The following SNX9 variants were observed in gnomAD, a reference collection of about 807,000 sequenced individuals.
SNX9 encodes sorting nexin-9.
In SNX9, 44 loss-of-function variants were observed where a neutral mutation model predicts 89.4. That is an observed-to-expected ratio of 0.49 (90% CI 0.39 to 0.63). The LOEUF (loss-of-function observed/expected upper bound fraction) is 0.63, where lower values mean the gene tolerates loss of function less well. Among genes scored for constraint, SNX9 ranks in the 30% least tolerant of loss-of-function variants. The probability of loss-of-function intolerance (pLI) is 0.00; values close to 1 mark genes in which losing one functional copy is unlikely to be tolerated. For missense variants in SNX9, 578 were observed against 736.1 expected, an observed-to-expected ratio of 0.79 and a Z score of 2.49; for synonymous variants, 236 against 247.8, an observed-to-expected ratio of 0.95 and a Z score of 0.45.
chr6:157,836,033 G>A (rs1781575540), intron 1 of SNX9, among the ~76,000 whole-genome samples: 1 of 152,174 alleles, frequency 6.6e-6, no homozygotes, highest in African/African-American at 2.4e-5. Flanking sequence ...CCAGGCACAA[G>A]CAATCCTTCT....
intron 4 of SNX9, among the ~76,000 whole-genome samples, chr6:157,895,856 A>G (rs568042820): frequency 1.3e-5 from 2 of 152,188 alleles, no homozygotes; most frequent in Non-Finnish European, 2.9e-5. Context: ...TCCATAGTCA[A>G]ACTGAAACTT....
chr6:157,909,936 A>G lies in SNX9; in HGVS notation c.860A>G (p.Tyr287Cys), dbSNP rs1783303909. 1 of 1,614,174 alleles carries G rather than the reference A, an allele frequency of 6.2e-7. No individual in the cohort carries two copies. The highest frequency in any genetic ancestry group is 8.5e-7 in the Non-Finnish European group (1 of 1,180,018). The part of the protein sequence containing the change: ...TNTNRSVNHR[Y>C]KHFDWLYERL... ...ACTAATCGATCTGTAAACCACAGGT[A>G]TAAGCACTTTGACTGGTTATATGAG... Residue 287 changes from tyrosine (Y) to cysteine (C), a missense_variant, in exon 9 of 18, where the codon TAT (tyrosine) becomes TGT (cysteine). By Grantham distance (194) the Tyr-to-Cys change is radical. Around this residue, in one of 2 missense-constraint regions of SNX9, gnomAD observed 348 missense variants for 491.4 expected, o/e 0.71. Coordinates refer to ENST00000392185, the MANE Select transcript of SNX9 (RefSeq NM_016224.5).
chr6:157,848,838 G>A (rs545429440), intron 1 of SNX9, among the ~76,000 whole-genome samples: 155 of 152,344 alleles, frequency 1.0e-3, no homozygotes, highest in Non-Finnish European at 1.8e-3. Flanking sequence ...ATACGTAACC[G>A]ATTTTGCACG....
intron 9 of SNX9, 64 bp downstream of exon 9, chr6:157,910,089 T>G: frequency 1.6e-6 from 2 of 1,281,754 alleles, no homozygotes; most frequent in Non-Finnish European, 2.3e-6. Context: ...ATTATCTTCC[T>G]GTAAGTCAGT....
In SNX9 at chr6:157,835,503, C is replaced by T. The variant is rs111790499; in HGVS notation, c.12+12057C>T. ...ACATGGCTCATTGAAGCCTTGAACT[C>T]CCACACTGAAGCAATCCTCCTGCCT... On this transcript the variant is annotated intron_variant, in intron 1 of 17. Coordinates refer to ENST00000392185, the MANE Select transcript of SNX9 (RefSeq NM_016224.5). 4.4e-3 allele frequency among the ~76,000 whole-genome samples: 658 copies of T among 151,094 alleles called. 4 individuals are homozygous for T. The highest frequency in any genetic ancestry group is 0.014 in the African/African-American group (592 of 41,010).
At chr6:157,827,464 A>C (rs1327864957) in intron 1 of SNX9, among the ~76,000 whole-genome samples, 4 of 26,916 alleles carry the variant, frequency 1.5e-4, no homozygotes, top group Non-Finnish European at 2.0e-4. Flanking sequence ...ATAATATATA[A>C]ACTTATAGTT....
chr6:157,867,169 T>C (rs950622631), intron 1 of SNX9, among the ~76,000 whole-genome samples: 1 of 152,118 alleles, frequency 6.6e-6, no homozygotes, highest in African/African-American at 2.4e-5. Context: ...CTCAGGCTGG[T>C]CTCGAACCCC....
At chr6:157,911,755 C>T (rs1190702263) in intron 9 of SNX9, among the ~76,000 whole-genome samples, 1 of 152,160 alleles carries the variant, frequency 6.6e-6, no homozygotes, top group East Asian at 1.9e-4. Context: ...TAAAACATTA[C>T]TTTATATTTT....
intron 4 of SNX9, among the ~76,000 whole-genome samples, chr6:157,895,085 T>C (rs1782951889): frequency 6.6e-6 from 1 of 152,210 alleles, no homozygotes; most frequent in African/African-American, 2.4e-5. Flanking sequence ...GTCAAGAGCA[T>C]GTGCAGTAGG....
At chr6:157,923,282 T>C (rs1285541294) in intron 10 of SNX9, among the ~76,000 whole-genome samples, 1 of 152,174 alleles carries the variant, frequency 6.6e-6, no homozygotes, top group African/African-American at 2.4e-5. Flanking sequence ...ACTATGATTC[T>C]GTGGTAAGTA....
At chr6:157,835,422 T>G (rs2115108571) in intron 1 of SNX9, among the ~76,000 whole-genome samples, 1 of 151,878 alleles carries the variant, frequency 6.6e-6, no homozygotes, top group African/African-American at 2.4e-5. Flanking sequence ...CTTTTTTTTT[T>G]TTTTTTTTTA....
intron 1 of SNX9, among the ~76,000 whole-genome samples, chr6:157,852,867 C>T (rs752510884): frequency 2.0e-5 from 3 of 152,138 alleles, no homozygotes; most frequent in Non-Finnish European, 4.4e-5. Context: ...GCCACTGTGC[C>T]TGGCCTTTGT....
At chr6:157,908,740 A>C (rs1423954467) in intron 7 of SNX9, among the ~76,000 whole-genome samples, 1 of 142,890 alleles carries the variant, frequency 7.0e-6, no homozygotes, top group Non-Finnish European at 1.6e-5. Flanking sequence ...CCTCAGGCTC[A>C]AAACTTACAC....
intron 1 of SNX9, among the ~76,000 whole-genome samples, chr6:157,847,176 C>G (rs1213570267): frequency 1.3e-5 from 2 of 152,170 alleles, no homozygotes; most frequent in Non-Finnish European, 2.9e-5. Context: ...GATACCAGCT[C>G]ACTGCAGCTT....
At chr6:157,915,660 C>CACACAT (rs1554296807) in intron 9 of SNX9, among the ~76,000 whole-genome samples, 2 of 117,088 alleles carry the variant, frequency 1.7e-5, no homozygotes, top group African/African-American at 7.1e-5. Flanking sequence ...TATATATACA[C>CACACAT]ACACACACAC....
intron 1 of SNX9, 101 bp from the exon 2 acceptor site, chr6:157,867,446 T>C (rs1237233978): frequency 9.1e-6 from 8 of 881,674 alleles, no homozygotes; most frequent in East Asian, 2.6e-5. Context: ...GCCACTATCA[T>C]GTTTGTACCA....
At chr6:157,858,809 G>A (rs568023500) in intron 1 of SNX9, among the ~76,000 whole-genome samples, 9 of 152,242 alleles carry the variant, frequency 5.9e-5, no homozygotes, top group African/African-American at 2.2e-4. Context: ...TGTGCAGGGG[G>A]ACTCCCCTTT....
intron 1 of SNX9, among the ~76,000 whole-genome samples, chr6:157,826,559 T>C (rs1781348673): frequency 6.7e-6 from 1 of 149,892 alleles, no homozygotes; most frequent in African/African-American, 2.5e-5. Flanking sequence ...GGGGATTATC[T>C]ATTTTCTATT....
intron 1 of SNX9, among the ~76,000 whole-genome samples, chr6:157,841,245 TCATATTA>T (rs1781696999): frequency 6.6e-6 from 1 of 152,228 alleles, no homozygotes; most frequent in African/African-American, 2.4e-5. Context: ...CACTGGAATT[TCATATTA>T]GTCATGCTGA....
Sources: gnomAD v4.1 joint callset for allele counts (sites outside exome capture counted in the v4.1 genomes callset) on GRCh38, gnomAD v4.1.1 for gene constraint, gnomAD v4.1.1 regional missense constraint, MANE v1.5 for transcripts, NCBI Gene and HGNC (gene_info 2026-07-23, HGNC 2026-07-21) for gene names.